The following CDYL2 variants were observed in gnomAD, a reference collection of about 807,000 sequenced individuals.
The protein encoded by CDYL2 is chromodomain Y-like protein 2.
Under a neutral mutation model 49.4 loss-of-function variants are expected in CDYL2, and 23 were observed. The ratio of observed to expected loss-of-function variants is 0.47; its 90% CI spans 0.34 to 0.66. The LOEUF (loss-of-function observed/expected upper bound fraction) is 0.66. Ranked by LOEUF, CDYL2 falls within the 30% of genes least tolerant of loss-of-function variation. The pLI is 0.01. For missense variants in CDYL2, 678 were observed against 656.4 expected (o/e 1.03, Z -0.36); for synonymous variants, 360 against 268.8 (o/e 1.34, Z -3.32).
intron 3 of CDYL2, among the ~76,000 whole-genome samples, chr16:80,625,734 A>C (rs1257473672): frequency 6.6e-6 from 1 of 152,228 alleles, no homozygotes; most frequent in Non-Finnish European, 1.5e-5. Flanking sequence ...TTACCTACAG[A>C]GGGCAAATAT....
chr16:80,628,867 C>G (rs914304044), intron 3 of CDYL2, among the ~76,000 whole-genome samples: 1 of 152,126 alleles, frequency 6.6e-6, no homozygotes, highest in African/African-American at 2.4e-5. Flanking sequence ...AGACATTTAA[C>G]AAGTCACCCC....
chr16:80,777,358 G>T (rs1479809142), intron 1 of CDYL2, among the ~76,000 whole-genome samples: 1 of 151,604 alleles, frequency 6.6e-6, no homozygotes, highest in East Asian at 1.9e-4. Flanking sequence ...ACAGATGAAG[G>T]AATGAATGAT....
chr16:80,771,943 T>C (rs1023048226), intron 1 of CDYL2, among the ~76,000 whole-genome samples: 1 of 152,066 alleles, frequency 6.6e-6, no homozygotes, highest in African/African-American at 2.4e-5. Context: ...AATAACTGCA[T>C]ATGAGGGGAA....
chr16:80,803,843 C>G (rs1018312880), intron 1 of CDYL2, among the ~76,000 whole-genome samples: 1 of 146,962 alleles, frequency 6.8e-6, no homozygotes, highest in African/African-American at 2.5e-5. Flanking sequence ...CTACCTCCCC[C>G]GCCCCGGCTC....
chr16:80,689,752 C>T (rs1212506880), intron 1 of CDYL2, among the ~76,000 whole-genome samples: 1 of 152,316 alleles, frequency 6.6e-6, no homozygotes, highest in East Asian at 1.9e-4. Context: ...TCGCAGACCG[C>T]CATCATGGCT....
intron 2 of CDYL2, among the ~76,000 whole-genome samples, chr16:80,681,381 G>A (rs1229915258): frequency 2.0e-5 from 3 of 152,102 alleles, no homozygotes; most frequent in Admixed American, 1.3e-4. Context: ...AGGACATTCA[G>A]GGCTACGTGG....
At chr16:80,743,520 T>G (rs1905821760) in intron 1 of CDYL2, among the ~76,000 whole-genome samples, 4 of 152,156 alleles carry the variant, frequency 2.6e-5, no homozygotes, top group Non-Finnish European at 5.9e-5. Context: ...TCAGGAGAGA[T>G]GTTTCTTAAA....
intron 1 of CDYL2, among the ~76,000 whole-genome samples, chr16:80,798,016 TTTG>T (rs541825775): frequency 3.9e-5 from 6 of 152,146 alleles, no homozygotes; most frequent in South Asian, 4.1e-4. Flanking sequence ...GCTTTTTTGT[TTTG>T]TTGTTGTTGT....
intron 2 of CDYL2, among the ~76,000 whole-genome samples, chr16:80,638,497 G>A (rs999907654): frequency 6.6e-6 from 1 of 152,094 alleles, no homozygotes; most frequent in Non-Finnish European, 1.5e-5. Flanking sequence ...AACTTTATTT[G>A]GGAAGGCAAA....
rs938872686 is a variant in CDYL2 at position 80,740,884 on chromosome 16, A to G, written c.25-55755T>C. ...GGTTTTACCAAATAGAGACACTTCT[A>G]TATTTGTGGATGGGAAGTTTCATTA... On this transcript the variant is annotated intron_variant, in intron 1 of 6. Transcript: ENST00000570137. Among the ~76,000 whole-genome samples the G allele has an allele frequency of 7.2e-5, 11 of 151,848 alleles. 1 individual carries two copies. Among genetic ancestry groups the G allele is most frequent in the Admixed American group, 6.5e-4 (10 of 15,274 alleles).
intron 2 of CDYL2, among the ~76,000 whole-genome samples, chr16:80,658,973 T>C (rs535774116): frequency 1.3e-5 from 2 of 152,106 alleles, no homozygotes; most frequent in African/African-American, 4.8e-5. Context: ...TTTTCAATAG[T>C]AAAATAAATA....
chr16:80,752,727 G>A (rs888549780), intron 1 of CDYL2, among the ~76,000 whole-genome samples: 7 of 152,188 alleles, frequency 4.6e-5, no homozygotes, highest in Admixed American at 6.5e-5. Flanking sequence ...TTAACAAAGC[G>A]GGAAAGCTCT....
At chr16:80,676,580 T>A (rs571616641) in intron 2 of CDYL2, among the ~76,000 whole-genome samples, 65 of 152,116 alleles carry the variant, frequency 4.3e-4, no homozygotes, top group African/African-American at 1.5e-3. Flanking sequence ...TGAACTGGGG[T>A]CAAGTTCAGG....
intron 2 of CDYL2, among the ~76,000 whole-genome samples, chr16:80,645,960 G>A (rs80222623): frequency 8.4e-6 from 1 of 119,640 alleles, no homozygotes; most frequent in Non-Finnish European, 1.6e-5. Context: ...ACAGGAAGGG[G>A]AACATCACAC....
At chr16:80,739,771 G>T (rs1400141401) in intron 1 of CDYL2, among the ~76,000 whole-genome samples, 1 of 152,302 alleles carries the variant, frequency 6.6e-6, no homozygotes, top group East Asian at 1.9e-4. Context: ...AGACAGAGAG[G>T]TCACTGCCTT....
Position 80,604,362 on chromosome 16 carries a change from G to A in CDYL2, c.*26C>T, listed in dbSNP as rs764135999. Reference sequence around the variant, plus strand: ...TCCGAAACACAGGGCAGAGCTGGAAGTTGGGGGCCCGTGAGCTGGGGCCCC... The same window carrying A: ...TCCGAAACACAGGGCAGAGCTGGAAATTGGGGGCCCGTGAGCTGGGGCCCC... On this transcript the variant is annotated 3_prime_UTR_variant, in exon 7 of 7. Coordinates refer to ENST00000570137, the MANE Select transcript of CDYL2 (RefSeq NM_152342.4). 4 of 1,613,286 alleles carry A rather than the reference G, an allele frequency of 2.5e-6. No homozygotes were observed. Among genetic ancestry groups the A allele is most frequent in the South Asian group, 1.1e-5 (1 of 91,072 alleles).
intron 1 of CDYL2, among the ~76,000 whole-genome samples, chr16:80,709,007 T>C (rs1387180603): frequency 1.3e-5 from 2 of 152,194 alleles, no homozygotes; most frequent in Non-Finnish European, 2.9e-5. Context: ...TGTTTGCAAA[T>C]TGAACAGAAG....
chr16:80,747,271 T>G (rs1463418113), intron 1 of CDYL2, among the ~76,000 whole-genome samples: 3 of 152,092 alleles, frequency 2.0e-5, no homozygotes, highest in African/African-American at 7.2e-5. Context: ...GCATCTAGCA[T>G]CTGAAGAGTC....
chr16:80,663,193 T>C (rs573460013), intron 2 of CDYL2, among the ~76,000 whole-genome samples: 19 of 151,640 alleles, frequency 1.3e-4, no homozygotes, highest in African/African-American at 2.9e-4. Context: ...TCTTATCATC[T>C]TGGGGAGCAG....
Sources: gnomAD v4.1 joint callset for allele counts (sites outside exome capture counted in the v4.1 genomes callset) on GRCh38, gnomAD v4.1.1 for gene constraint, MANE v1.5 for transcripts, NCBI Gene and HGNC (gene_info 2026-07-23, HGNC 2026-07-21) for gene names.